Variants in KIAA1217 observed in about 807,000 individuals in gnomAD.
KIAA1217 encodes KIAA1217, also known as sickle tail protein homolog.
A neutral mutation model predicts 163.9 loss-of-function variants in KIAA1217; 88 were observed. That is an observed-to-expected ratio of 0.54 (90% CI 0.45 to 0.64). The LOEUF (loss-of-function observed/expected upper bound fraction) is 0.64, where lower values mean the gene tolerates loss of function less well. KIAA1217 is among the 30% of genes least tolerant of loss of function. KIAA1217 has a pLI of 0.00. For synonymous variants in KIAA1217, 903 were observed against 923.1 expected, an observed-to-expected ratio of 0.98 and a Z score of 0.39; for missense variants, 2,372 against 2,475.0, an observed-to-expected ratio of 0.96 and a Z score of 0.88.
At chr10:24,019,690 G>A (rs992332880) in intron 2 of KIAA1217, among the ~76,000 whole-genome samples, 11 of 151,924 alleles carry the variant, frequency 7.2e-5, no homozygotes, top group African/African-American at 2.7e-4. Context: ...ATTCTAAGAA[G>A]ATTTTATTTC....
In KIAA1217 at chr10:24,527,938, A is replaced by G. The variant is rs1003784002; in HGVS notation, c.2901A>G (p.Lys967=). 8.7e-6 allele frequency: 14 copies of G among 1,613,178 alleles called. No individual in the cohort carries two copies. The highest frequency in any genetic ancestry group is 1.2e-5 in the Non-Finnish European group (14 of 1,179,488). Reference sequence around the variant, plus strand: ...CTTTACGTGCTATATTCCTCCAGAAAGCAGAAAAGAAATGGGAGGAAAAAA... The same window carrying G: ...CTTTACGTGCTATATTCCTCCAGAAGGCAGAAAAGAAATGGGAGGAAAAAA... ...SAKNRAVSIE[K]AEKKWEEKRQ... Residue 967 remains lysine (K), a splice_region_variant and synonymous_variant, in exon 14 of 21, where the codon AAA becomes AAG. Coordinates refer to ENST00000376454, the MANE Select transcript of KIAA1217 (RefSeq NM_019590.5).
intron 8 of KIAA1217, among the ~76,000 whole-genome samples, chr10:24,500,498 C>T (rs1316176717): frequency 6.6e-6 from 1 of 151,922 alleles, no homozygotes; most frequent in Non-Finnish European, 1.5e-5. Context: ...TTTAGAGTCC[C>T]CTCCTGAAGA....
intron 2 of KIAA1217, among the ~76,000 whole-genome samples, chr10:24,056,005 T>C (rs1174765456): frequency 6.6e-6 from 1 of 151,594 alleles, no homozygotes; most frequent in Non-Finnish European, 1.5e-5. Context: ...CTGGTTGTTC[T>C]GGCAGAAAGT....
intron 1 of KIAA1217, among the ~76,000 whole-genome samples, chr10:23,874,250 G>A (rs1312272752): frequency 6.6e-6 from 1 of 151,934 alleles, no homozygotes; most frequent in African/African-American, 2.4e-5. Flanking sequence ...TGGTGGTATG[G>A]TGCTCACCTC....
chr10:24,389,732 G>A (rs2054579952), intron 3 of KIAA1217, among the ~76,000 whole-genome samples: 2 of 152,168 alleles, frequency 1.3e-5, no homozygotes. Context: ...CACTGAGGCT[G>A]GAAAGCAGAT....
At chr10:23,823,615 C>A (rs183119234) in intron 1 of KIAA1217, among the ~76,000 whole-genome samples, 18 of 152,162 alleles carry the variant, frequency 1.2e-4, no homozygotes, top group African/African-American at 3.9e-4. Context: ...GGGATTAGGG[C>A]GTGGATATGT....
intron 1 of KIAA1217, among the ~76,000 whole-genome samples, chr10:23,883,537 C>T (rs1417655294): frequency 2.0e-5 from 3 of 151,760 alleles, no homozygotes; most frequent in Non-Finnish European, 4.4e-5. Flanking sequence ...TCACATACAC[C>T]CCTGTCCTGA....
At chr10:24,209,105 G>C (rs1033088633), upstream of KIAA1217, 34 of 1,090,138 alleles carry the variant, frequency 3.1e-5, no homozygotes, top group Admixed American at 3.5e-4. Flanking sequence ...CCCCAGCCCC[G>C]GGCCCCCTCC....
At chr10:24,179,487 C>A (rs1312133564) in intron 2 of KIAA1217, among the ~76,000 whole-genome samples, 1 of 152,170 alleles carries the variant, frequency 6.6e-6, no homozygotes. Context: ...TTGTAAGTTT[C>A]CTGAGGCCTC....
At chr10:24,158,567 C>G in intron 2 of KIAA1217, 1 of 507,780 alleles carries the variant, frequency 2.0e-6, no homozygotes, top group South Asian at 1.5e-5. Context: ...ATTGACTAAA[C>G]TGTAATGGGA....
At chr10:23,728,055 C>T (rs1244634213) in intron 1 of KIAA1217, among the ~76,000 whole-genome samples, 3 of 152,152 alleles carry the variant, frequency 2.0e-5, no homozygotes, top group African/African-American at 4.8e-5. Flanking sequence ...CATTGATGGG[C>T]ATTTGGGTTG....
intron 2 of KIAA1217, among the ~76,000 whole-genome samples, chr10:24,034,802 T>A (rs1018396954): frequency 7.9e-5 from 12 of 152,170 alleles, no homozygotes; most frequent in Non-Finnish European, 1.8e-4. Context: ...GCTGTTCTGC[T>A]CACATCCTCC....
chr10:23,786,249 G>A (rs964147288), intron 1 of KIAA1217, among the ~76,000 whole-genome samples: 1 of 152,050 alleles, frequency 6.6e-6, no homozygotes. Context: ...TAGGCGGTAA[G>A]GACAGGGAGG....
chr10:24,043,661 T>A (rs993041088), intron 2 of KIAA1217, among the ~76,000 whole-genome samples: 3 of 152,132 alleles, frequency 2.0e-5, no homozygotes, highest in Non-Finnish European at 4.4e-5. Context: ...AGAAAAACTT[T>A]CTTTTCTGTT....
intron 2 of KIAA1217, chr10:24,255,602 G>A (rs553090132): frequency 2.7e-5 from 12 of 449,688 alleles, no homozygotes; most frequent in African/African-American, 1.4e-4. Flanking sequence ...GCAAGGTACA[G>A]GAGTGGCCTG....
At chr10:23,936,641 A>T (rs983952922) in intron 1 of KIAA1217, among the ~76,000 whole-genome samples, 2 of 152,050 alleles carry the variant, frequency 1.3e-5, no homozygotes, top group African/African-American at 4.8e-5. Context: ...ATTCCCAGCA[A>T]CCACCAGCTC....
At chr10:24,051,700 G>C (rs1454442248) in intron 2 of KIAA1217, among the ~76,000 whole-genome samples, 1 of 152,056 alleles carries the variant, frequency 6.6e-6, no homozygotes, top group Non-Finnish European at 1.5e-5. Flanking sequence ...GCATTTCCCT[G>C]ATAGTGATGT....
At chr10:24,220,096 T>C (rs1273601618) in intron 2 of KIAA1217, among the ~76,000 whole-genome samples, 187 bp downstream of exon 2, 6 of 152,168 alleles carry the variant, frequency 3.9e-5, no homozygotes, top group Non-Finnish European at 7.3e-5. Flanking sequence ...GCCTGCAAGC[T>C]CAGTCTTCTT....
chr10:24,177,361 G>GTA (rs58347791), intron 2 of KIAA1217, among the ~76,000 whole-genome samples: 41,299 of 128,408 alleles, frequency 0.32, 6,592 homozygotes, highest in Middle Eastern at 0.37. Context: ...TATCATATGT[G>GTA]TATATATATA....
Sources: gnomAD v4.1 joint callset for allele counts (sites outside exome capture counted in the v4.1 genomes callset) on GRCh38, gnomAD v4.1.1 for gene constraint, MANE v1.5 for transcripts, NCBI Gene and HGNC (gene_info 2026-07-23, HGNC 2026-07-21) for gene names.